Variants in MALRD1 observed in about 807,000 individuals in gnomAD.
The protein encoded by MALRD1 is MAM and LDL-receptor class A domain-containing protein 1.
A neutral mutation model predicts 242.1 loss-of-function variants in MALRD1; 247 were observed. That is an observed-to-expected ratio of 1.02 (90% CI 0.92 to 1.13). MALRD1 has a LOEUF of 1.13. MALRD1 is among the 50% of genes most tolerant of loss of function. The pLI, the probability that MALRD1 is intolerant of heterozygous loss-of-function variation, is 0.00. For missense variants in MALRD1, 2,989 were observed against 2,533.1 expected, an observed-to-expected ratio of 1.18 and a Z score of -3.86; for synonymous variants, 995 against 866.6, an observed-to-expected ratio of 1.15 and a Z score of -2.60.
intron 35 of MALRD1, among the ~76,000 whole-genome samples, 196 bp downstream of exon 35, chr10:19,608,098 C>A (rs1009796269): frequency 5.9e-5 from 9 of 152,000 alleles, no homozygotes; most frequent in Non-Finnish European, 1.5e-5. Flanking sequence ...ATAATGGGCT[C>A]ATGCTAGTTC....
intron 33 of MALRD1, among the ~76,000 whole-genome samples, chr10:19,587,913 T>TA (rs1234785415): frequency 1.4e-5 from 2 of 144,924 alleles, no homozygotes; most frequent in African/African-American, 2.8e-5. Flanking sequence ...TCCTAGGTGT[T>TA]TTTTTTTTTT....
rs139409184 is a variant in MALRD1, at chr10:19,662,621, A to T, written c.6138-29661A>T. ...GAGTTTTAGTGATTTACTCAAGGTC[A>T]TCCAATTATTCAAGGAAAGAGAAAA... On this transcript the variant is annotated intron_variant, in intron 36 of 39. Transcript: ENST00000454679. 2.5e-3 allele frequency among the ~76,000 whole-genome samples: 375 copies of T among 152,324 alleles called. 9 individuals are homozygous for T. The East Asian group carries it at 0.04, about 16-fold the overall frequency.
intron 28 of MALRD1, among the ~76,000 whole-genome samples, chr10:19,412,697 C>G (rs974348899): frequency 6.6e-6 from 1 of 152,076 alleles, no homozygotes; most frequent in East Asian, 1.9e-4. Context: ...AATGACAAAC[C>G]AATGTAAGAG....
intron 36 of MALRD1, among the ~76,000 whole-genome samples, chr10:19,632,429 G>A (rs139768375): frequency 6.6e-6 from 1 of 152,080 alleles, no homozygotes; most frequent in East Asian, 1.9e-4. Flanking sequence ...GCTCTGAATA[G>A]GGCATAGAAG....
At chr10:19,358,924 T>A (rs574459995) in intron 26 of MALRD1, among the ~76,000 whole-genome samples, 1 of 152,260 alleles carries the variant, frequency 6.6e-6, no homozygotes, top group Admixed American at 6.5e-5. Flanking sequence ...GAAAAAAAAA[T>A]TGCTTTCAAA....
chr10:19,621,286 A>ACCCAAT (rs1279926023), intron 36 of MALRD1, among the ~76,000 whole-genome samples: 1 of 149,662 alleles, frequency 6.7e-6, no homozygotes, highest in Non-Finnish European at 1.5e-5. Context: ...ATAATTGGGG[A>ACCCAAT]TATTTGAAAA....
At chr10:19,458,807 T>C (rs1016944733) in intron 29 of MALRD1, among the ~76,000 whole-genome samples, 3 of 152,098 alleles carry the variant, frequency 2.0e-5, no homozygotes, top group African/African-American at 4.8e-5. Flanking sequence ...ATATCCCAGA[T>C]AGTATATCTA....
In MALRD1 at chr10:19,573,146, G is replaced by C. The variant is rs139175101; in HGVS notation, c.5680+5443G>C. The stretch of plus-strand genomic sequence containing the variant: ...GGGAAGGGACCCCACTGAGCCATGA[G>C]CTCTGGATTCTGTACAGTGGGCAGA... On this transcript the variant is annotated intron_variant, in intron 33 of 39. Coordinates refer to ENST00000454679, the MANE Select transcript of MALRD1 (RefSeq NM_001142308.3). 5.6e-4 allele frequency among the ~76,000 whole-genome samples: 85 copies of C among 152,282 alleles called. 1 individual carries two copies. The highest frequency in any genetic ancestry group is 2.0e-3 in the African/African-American group (82 of 41,560).
intron 29 of MALRD1, among the ~76,000 whole-genome samples, chr10:19,463,507 C>T (rs1418670960): frequency 4.0e-5 from 6 of 151,864 alleles, no homozygotes; most frequent in Admixed American, 6.6e-5. Flanking sequence ...ATCCAGGTTG[C>T]TGCAAATGCC....
intron 1 of MALRD1, among the ~76,000 whole-genome samples, chr10:19,052,633 T>C (rs1564362512): frequency 6.6e-6 from 1 of 152,138 alleles, no homozygotes; most frequent in Non-Finnish European, 1.5e-5. Flanking sequence ...GGGGGCTTGA[T>C]AGAGTAGATG....
chr10:19,390,389 A>T (rs10763977), intron 28 of MALRD1, among the ~76,000 whole-genome samples: 132,839 of 152,214 alleles, frequency 0.87, 58,212 homozygotes, highest in African/African-American at 0.92. Context: ...GAAACTGCTT[A>T]TTAACTGACA....
At chr10:19,716,335 A>G (rs1488782598) in intron 38 of MALRD1, among the ~76,000 whole-genome samples, 1 of 152,002 alleles carries the variant, frequency 6.6e-6, no homozygotes, top group Non-Finnish European at 1.5e-5. Context: ...GATTAGCACC[A>G]TCCCCCCCAG....
intron 12 of MALRD1, among the ~76,000 whole-genome samples, chr10:19,157,813 G>A (rs12781273): frequency 6.6e-6 from 1 of 151,820 alleles, no homozygotes; most frequent in Non-Finnish European, 1.5e-5. Flanking sequence ...CAGTTAAGAA[G>A]TTTTTGTTTT....
intron 6 of MALRD1, among the ~76,000 whole-genome samples, chr10:19,124,071 C>A (rs912405533): frequency 2.7e-5 from 4 of 149,880 alleles, no homozygotes; most frequent in Non-Finnish European, 5.9e-5. Flanking sequence ...AAAAGAATCA[C>A]CTGAGCATGG....
chr10:19,367,408 C>T (rs1845154454), intron 26 of MALRD1, among the ~76,000 whole-genome samples: 1 of 152,078 alleles, frequency 6.6e-6, no homozygotes, highest in African/African-American at 2.4e-5. Context: ...AACATAATGT[C>T]TTCAGTTCCA....
intron 12 of MALRD1, among the ~76,000 whole-genome samples, chr10:19,161,550 C>CA: frequency 0.63 from 38,189 of 60,770 alleles, 11,976 homozygotes; most frequent in South Asian, 0.69. Context: ...AAAAAAAAAG[C>CA]AAAAAAAAAA....
chr10:19,716,240 C>T (rs1834379830), intron 38 of MALRD1, among the ~76,000 whole-genome samples: 1 of 152,218 alleles, frequency 6.6e-6, no homozygotes, highest in South Asian at 2.1e-4. Context: ...CCCCACCAAA[C>T]TTCAGCTCAA....
chr10:19,700,722 CA>C (rs1346205512), intron 38 of MALRD1, among the ~76,000 whole-genome samples: 5 of 152,152 alleles, frequency 3.3e-5, no homozygotes, highest in African/African-American at 9.6e-5. Context: ...AATCTCCAAA[CA>C]AAAGGCTTTT....
intron 21 of MALRD1, among the ~76,000 whole-genome samples, chr10:19,307,519 A>G (rs1334820740): frequency 6.6e-6 from 1 of 151,540 alleles, no homozygotes; most frequent in Admixed American, 6.6e-5. Flanking sequence ...AGTGATATAT[A>G]ACTCGGGGTG....
Sources: allele counts gnomAD v4.1 joint callset (sites outside exome capture counted in the v4.1 genomes callset), GRCh38; gene constraint gnomAD v4.1.1; transcripts MANE v1.5; gene names NCBI Gene and HGNC (gene_info 2026-07-23, HGNC 2026-07-21).